The following DPYD variants were observed in gnomAD, a reference collection of about 807,000 sequenced individuals.
DPYD encodes the protein dihydropyrimidine dehydrogenase [NADP(+)].
Under a neutral mutation model 116.2 loss-of-function variants are expected in DPYD, and 109 were observed. That is an observed-to-expected ratio of 0.94 (90% CI 0.80 to 1.10). The LOEUF (loss-of-function observed/expected upper bound fraction) is 1.10, where lower values mean the gene tolerates loss of function less well. Ranked by LOEUF, DPYD falls within the 50% of genes least tolerant of loss-of-function variation. DPYD has a pLI of 0.00. For missense variants in DPYD, 1,302 were observed against 1,254.5 expected (o/e 1.04, Z -0.57); for synonymous variants, 440 against 432.0 (o/e 1.02, Z -0.23).
intron 20 of DPYD, among the ~76,000 whole-genome samples, chr1:97,114,169 A>C (rs1218471932): frequency 2.0e-5 from 3 of 152,134 alleles, no homozygotes; most frequent in African/African-American, 7.2e-5. Context: ...ATCCCAGAAA[A>C]CGATGAGTGA....
intron 10 of DPYD, among the ~76,000 whole-genome samples, chr1:97,575,483 A>T (rs1477452843): frequency 6.6e-6 from 1 of 152,188 alleles, no homozygotes; most frequent in Admixed American, 6.5e-5. Flanking sequence ...GATCTATACT[A>T]TACATTATTT....
chr1:97,369,389 A>G (rs531347441), intron 16 of DPYD, among the ~76,000 whole-genome samples: 3 of 152,296 alleles, frequency 2.0e-5, no homozygotes, highest in African/African-American at 7.2e-5. Flanking sequence ...TTTAGAGCCT[A>G]TGTAATCCTG....
chr1:97,191,775 A>G (rs1336844995), intron 20 of DPYD, among the ~76,000 whole-genome samples: 1 of 152,184 alleles, frequency 6.6e-6, no homozygotes, highest in Non-Finnish European at 1.5e-5. Context: ...TGAGATATTT[A>G]CATCGAATGA....
chr1:97,159,452 A>AAT (rs1210503339), intron 20 of DPYD, among the ~76,000 whole-genome samples: 1 of 151,982 alleles, frequency 6.6e-6, no homozygotes. Context: ...TTGAAGTTCT[A>AAT]ATATATATTC....
chr1:97,592,658 C>T (rs1341821786), intron 10 of DPYD, among the ~76,000 whole-genome samples: 8 of 152,166 alleles, frequency 5.3e-5, no homozygotes, highest in Admixed American at 2.6e-4. Flanking sequence ...TGAGCCACCG[C>T]GCACAGCCAA....
chr1:97,167,234 A>ATAT (rs1200895720), intron 20 of DPYD, among the ~76,000 whole-genome samples: 7 of 152,114 alleles, frequency 4.6e-5, no homozygotes, highest in Non-Finnish European at 7.4e-5. Flanking sequence ...AGAGCACAAT[A>ATAT]TATACTTCCA....
At chr1:97,339,788 A>G (rs1669502955) in intron 16 of DPYD, among the ~76,000 whole-genome samples, 1 of 152,204 alleles carries the variant, frequency 6.6e-6, no homozygotes, top group African/African-American at 2.4e-5. Context: ...AGAAATTATA[A>G]GACAGTGTTC....
chr1:97,442,203 A>T (rs1675834890), intron 14 of DPYD, among the ~76,000 whole-genome samples: 1 of 151,818 alleles, frequency 6.6e-6, no homozygotes, highest in African/African-American at 2.4e-5. Context: ...TAGCCTCCTC[A>T]ACTCAGGGCC....
intron 19 of DPYD, among the ~76,000 whole-genome samples, chr1:97,203,643 T>A (rs796990079): frequency 2.3e-3 from 96 of 41,862 alleles, no homozygotes; most frequent in Middle Eastern, 0.019. Context: ...ATAAAAAAAA[T>A]AATAAAGGAT....
intron 20 of DPYD, among the ~76,000 whole-genome samples, chr1:97,152,439 T>TACACACACACACAC (rs71590217): frequency 1.7e-3 from 246 of 145,340 alleles, no homozygotes; most frequent in African/African-American, 5.8e-3. Flanking sequence ...CTGAATCACA[T>TACACACACACACAC]ACACACACAC....
intron 4 of DPYD, among the ~76,000 whole-genome samples, chr1:97,726,194 T>C (rs1663247725): frequency 6.6e-6 from 1 of 151,572 alleles, no homozygotes; most frequent in Non-Finnish European, 1.5e-5. Context: ...AGTTAACATG[T>C]ACATTCATAG....
chr1:97,447,992 G>GTTT (rs1676182663), intron 14 of DPYD, among the ~76,000 whole-genome samples: 1 of 152,094 alleles, frequency 6.6e-6, no homozygotes, highest in Non-Finnish European at 1.5e-5. Context: ...GGGAGGCTGA[G>GTTT]GTAGGAGGAC....
At chr1:97,310,386 T>G (rs1667433307) in intron 16 of DPYD, among the ~76,000 whole-genome samples, 1 of 151,808 alleles carries the variant, frequency 6.6e-6, no homozygotes, top group Non-Finnish European at 1.5e-5. Context: ...AATTGCTCCC[T>G]GAAGTGAAAT....
At chr1:97,339,556 T>C (rs1259366798) in intron 16 of DPYD, among the ~76,000 whole-genome samples, 2 of 152,158 alleles carry the variant, frequency 1.3e-5, no homozygotes, top group Admixed American at 6.5e-5. Flanking sequence ...AAAGGCACAA[T>C]GGTTTTCAAC....
chr1:97,368,634 G>A (rs1671162857), intron 16 of DPYD, among the ~76,000 whole-genome samples: 1 of 152,144 alleles, frequency 6.6e-6, no homozygotes, highest in Non-Finnish European at 1.5e-5. Flanking sequence ...AGAATTAAAG[G>A]TACTGCTGGC....
intron 8 of DPYD, among the ~76,000 whole-genome samples, chr1:97,640,140 G>A (rs776521331): frequency 1.1e-4 from 17 of 152,148 alleles, no homozygotes; most frequent in East Asian, 3.9e-4. Flanking sequence ...GTCAAGTTAC[G>A]TAGTGACTTA....
chr1:97,743,326 G>A (rs1004563616), intron 3 of DPYD, among the ~76,000 whole-genome samples: 1 of 151,970 alleles, frequency 6.6e-6, no homozygotes, highest in Non-Finnish European at 1.5e-5. Flanking sequence ...TTCTCTAAGC[G>A]CTCTGCAGAC....
chr1:97,844,950 T>C (rs963406009), intron 2 of DPYD, among the ~76,000 whole-genome samples: 19 of 152,284 alleles, frequency 1.2e-4, no homozygotes, highest in African/African-American at 4.1e-4. Context: ...GTGCACACAT[T>C]TGCAGCAGTG....
chr1:97,494,099 T>C (rs1207638156), intron 13 of DPYD, among the ~76,000 whole-genome samples: 1 of 152,204 alleles, frequency 6.6e-6, no homozygotes, highest in Non-Finnish European at 1.5e-5. Context: ...TCGAAATGCT[T>C]GACAAATAAT....
Sources: gnomAD v4.1 joint callset for allele counts (sites outside exome capture counted in the v4.1 genomes callset) on GRCh38, gnomAD v4.1.1 for gene constraint, MANE v1.5 for transcripts, NCBI Gene and HGNC (gene_info 2026-07-23, HGNC 2026-07-21) for gene names.